The following ZHX2 variants were observed in gnomAD, a reference collection of about 807,000 sequenced individuals.
The protein encoded by ZHX2 is zinc fingers and homeoboxes protein 2.
Under a neutral mutation model 21.9 loss-of-function variants are expected in ZHX2, and 6 were observed. That is an observed-to-expected ratio of 0.27 (90% CI 0.15 to 0.54). The LOEUF is 0.54. Ranked by LOEUF, ZHX2 falls within the 20% of genes least tolerant of loss-of-function variation. The probability of loss-of-function intolerance (pLI) is 0.95; values close to 1 mark genes in which losing one functional copy is unlikely to be tolerated. For missense variants in ZHX2, 908 were observed against 1,090.7 expected (o/e 0.83, Z 2.36); for synonymous variants, 434 against 437.1 (o/e 0.99, Z 0.09).
intron 3 of ZHX2, among the ~76,000 whole-genome samples, chr8:122,962,920 A>C (rs2130348198): frequency 1.3e-5 from 2 of 151,822 alleles, no homozygotes; most frequent in South Asian, 4.2e-4. Context: ...CCATTCATAT[A>C]TCTTCTTTTG....
intron 1 of ZHX2, among the ~76,000 whole-genome samples, chr8:122,839,983 G>T (rs966477183): frequency 3.3e-5 from 5 of 152,160 alleles, no homozygotes; most frequent in Non-Finnish European, 7.3e-5. Context: ...ACTGCCTGAA[G>T]GGTGAGAAAA....
At position 122,974,202 on chromosome 8, in the gene ZHX2, A is replaced by T. The variant is rs1813805621; in HGVS notation, c.*965A>T. On this transcript the variant is annotated 3_prime_UTR_variant, in exon 4 of 4. Coordinates refer to ENST00000314393, the MANE Select transcript of ZHX2 (RefSeq NM_014943.5). The stretch of plus-strand genomic sequence containing the variant: ...TTTTCTCGGTGTGGTATTTGACAAG[A>T]TTTTAGCTCAAAGCCTCACCATGAA... The T allele has an allele frequency of 6.6e-6, 1 of 152,286 alleles. No homozygotes were observed. The highest frequency in any genetic ancestry group is 2.1e-4 in the South Asian group (1 of 4,796). 9.4% of individuals were successfully genotyped at this position (152,286 alleles called of 1,614,324 possible).
chr8:122,873,363 C>G (rs1304848674), intron 2 of ZHX2, among the ~76,000 whole-genome samples: 4 of 147,372 alleles, frequency 2.7e-5, no homozygotes, highest in Non-Finnish European at 4.7e-5. Context: ...GCTAACCCCA[C>G]GTGCAGAAGT....
chr8:122,938,391 G>A (rs1812759811), intron 2 of ZHX2, among the ~76,000 whole-genome samples: 1 of 152,198 alleles, frequency 6.6e-6, no homozygotes. Context: ...TGGAGTGGAA[G>A]GGCCAGGGCT....
intron 2 of ZHX2, among the ~76,000 whole-genome samples, chr8:122,916,271 T>G (rs914509426): frequency 7.9e-5 from 12 of 152,240 alleles, no homozygotes; most frequent in Non-Finnish European, 1.5e-4. Flanking sequence ...GCTGCATCCC[T>G]GCTGGGCAGG....
rs191524024 is a variant in ZHX2, at chr8:122,917,370, G to A, written c.-219-33922G>A. On this transcript the variant is annotated intron_variant, in intron 2 of 3. Transcript: ENST00000314393. ...TACATTATGATCTGCCAGAACCCCT[G>A]ACCCACCACAATGTCCTCCATCCCC... Among the ~76,000 whole-genome samples, 7 of 151,384 alleles carry A rather than the reference G, an allele frequency of 4.6e-5. No individual in the cohort carries two copies. In the Admixed American group the frequency reaches 4.6e-4, roughly 10 times the overall value.
At chr8:122,816,193 G>A (rs1027607490) in intron 1 of ZHX2, among the ~76,000 whole-genome samples, 1 of 151,982 alleles carries the variant, frequency 6.6e-6, no homozygotes, top group Non-Finnish European at 1.5e-5. Flanking sequence ...CCATCAAAAG[G>A]CTAAAGGGGC....
intron 2 of ZHX2, among the ~76,000 whole-genome samples, chr8:122,901,566 T>A (rs566648026): frequency 1.4e-4 from 21 of 152,346 alleles, no homozygotes; most frequent in African/African-American, 5.1e-4. Flanking sequence ...TCTCTGGGAA[T>A]CAAATCTCAT....
chr8:122,885,713 C>T lies in ZHX2; in HGVS notation c.-220+22174C>T, dbSNP rs114109422. 3.7e-3 allele frequency among the ~76,000 whole-genome samples: 558 copies of T among 152,212 alleles called. 3 individuals are homozygous for T. Among genetic ancestry groups the T allele is most frequent in the African/African-American group, 0.013 (523 of 41,518 alleles). On this transcript the variant is annotated intron_variant, in intron 2 of 3. Coordinates refer to ENST00000314393, the MANE Select transcript of ZHX2 (RefSeq NM_014943.5). The stretch of plus-strand genomic sequence containing the variant: ...TTTAGCATGCACTAAGCCTTCTACA[C>T]CACACATGACAGACCCCCCAACTAA...
intron 1 of ZHX2, among the ~76,000 whole-genome samples, chr8:122,847,949 C>T (rs1324437738): frequency 1.3e-5 from 2 of 152,170 alleles, no homozygotes; most frequent in Non-Finnish European, 2.9e-5. Flanking sequence ...CATCATAGTA[C>T]AACTCTGAAG....
intron 2 of ZHX2, among the ~76,000 whole-genome samples, chr8:122,901,012 A>C (rs1478379755): frequency 2.0e-5 from 3 of 152,230 alleles, no homozygotes; most frequent in African/African-American, 7.2e-5. Context: ...AGGAGTATGA[A>C]GAAAAAATAT....
chr8:122,885,561 A>C (rs1170750281), intron 2 of ZHX2, among the ~76,000 whole-genome samples: 1 of 152,200 alleles, frequency 6.6e-6, no homozygotes, highest in African/African-American at 2.4e-5. Context: ...AGTGGTTCTC[A>C]GTAGTGGGTT....
intron 2 of ZHX2, among the ~76,000 whole-genome samples, chr8:122,875,175 A>T (rs1337974009): frequency 0.012 from 319 of 26,684 alleles, 30 homozygotes; most frequent in African/African-American, 0.036. Context: ...ATATATATAT[A>T]TATATATATA....
At chr8:122,921,719 T>C (rs1416284618) in intron 2 of ZHX2, among the ~76,000 whole-genome samples, 2 of 152,034 alleles carry the variant, frequency 1.3e-5, no homozygotes, top group Non-Finnish European at 2.9e-5. Context: ...ATGGCAACTA[T>C]GTGAGGTGAT....
intron 2 of ZHX2, among the ~76,000 whole-genome samples, chr8:122,869,267 C>A (rs1819373100): frequency 6.6e-6 from 1 of 152,032 alleles, no homozygotes; most frequent in Non-Finnish European, 1.5e-5. Context: ...CCTATCCCAC[C>A]CTCCCATTCT....
At chr8:122,805,742 A>G (rs1443102216) in intron 1 of ZHX2, among the ~76,000 whole-genome samples, 1 of 152,152 alleles carries the variant, frequency 6.6e-6, no homozygotes, top group Non-Finnish European at 1.5e-5. Context: ...GAAATTTCTA[A>G]GTTGTGTCTC....
chr8:122,879,792 C>T (rs1166254515), intron 2 of ZHX2, among the ~76,000 whole-genome samples: 1 of 152,066 alleles, frequency 6.6e-6, no homozygotes, highest in Non-Finnish European at 1.5e-5. Context: ...CAACATGTGG[C>T]CTTGGATATA....
intron 1 of ZHX2, among the ~76,000 whole-genome samples, chr8:122,819,474 T>G (rs1019191826): frequency 3.1e-4 from 47 of 152,198 alleles, no homozygotes; most frequent in African/African-American, 1.1e-3. Context: ...AAGAAGGACT[T>G]GAACTTGGTT....
chr8:122,899,191 AT>A (rs950397104), intron 2 of ZHX2, among the ~76,000 whole-genome samples: 3 of 151,684 alleles, frequency 2.0e-5, no homozygotes, highest in African/African-American at 7.3e-5. Flanking sequence ...TGCATTTTCT[AT>A]TTTTTTTCTA....
Sources: gnomAD v4.1 joint callset for allele counts (sites outside exome capture counted in the v4.1 genomes callset) on GRCh38, gnomAD v4.1.1 for gene constraint, MANE v1.5 for transcripts, NCBI Gene and HGNC (gene_info 2026-07-23, HGNC 2026-07-21) for gene names.